The following SH3PXD2A variants were observed in gnomAD, a reference collection of about 807,000 sequenced individuals.
SH3PXD2A encodes the protein SH3 and PX domain-containing protein 2A.
SH3PXD2A carries 32 observed loss-of-function variants against 115.2 expected under a neutral mutation model. The ratio of observed to expected loss-of-function variants is 0.28; its 90% CI spans 0.21 to 0.37. SH3PXD2A has a LOEUF of 0.37. Ranked by LOEUF, SH3PXD2A falls within the 10% of genes least tolerant of loss-of-function variation. The pLI is 1.00. For synonymous variants in SH3PXD2A, 610 were observed against 629.1 expected (o/e 0.97, Z 0.45); for missense variants, 1,328 against 1,498.7 (o/e 0.89, Z 1.88).
At chr10:103,825,064 A>T (rs1355244805) in intron 1 of SH3PXD2A, among the ~76,000 whole-genome samples, 3 of 152,218 alleles carry the variant, frequency 2.0e-5, no homozygotes, top group African/African-American at 7.2e-5. Flanking sequence ...GGCCTCCCAA[A>T]GTGCTGAGCC....
intron 1 of SH3PXD2A, among the ~76,000 whole-genome samples, chr10:103,810,184 G>T (rs1405796942): frequency 1.3e-5 from 2 of 152,200 alleles, no homozygotes; most frequent in Non-Finnish European, 2.9e-5. Context: ...GTGGTTGGTG[G>T]CATGCTAGTG....
At chr10:103,814,200 C>A (rs1307735225) in intron 1 of SH3PXD2A, among the ~76,000 whole-genome samples, 1 of 152,090 alleles carries the variant, frequency 6.6e-6, no homozygotes, top group Non-Finnish European at 1.5e-5. Context: ...CAAGGAGACT[C>A]GAGTTCCTTC....
chr10:103,703,426 C>T (rs1044564938), intron 5 of SH3PXD2A, among the ~76,000 whole-genome samples: 4 of 152,226 alleles, frequency 2.6e-5, no homozygotes, highest in Admixed American at 2.0e-4. Flanking sequence ...GGCAAGGCTG[C>T]AGACTCGGTT....
chr10:103,705,838 A>T (rs186282672), intron 5 of SH3PXD2A, among the ~76,000 whole-genome samples: 25 of 152,204 alleles, frequency 1.6e-4, no homozygotes, highest in Admixed American at 1.6e-3. Flanking sequence ...GTCTACTAAA[A>T]ATACAAAAAT....
intron 11 of SH3PXD2A, among the ~76,000 whole-genome samples, chr10:103,616,128 T>A (rs2036515481): frequency 6.6e-6 from 1 of 152,114 alleles, no homozygotes; most frequent in African/African-American, 2.4e-5. Flanking sequence ...GCCAGTGACC[T>A]CAGCATGGAC....
intron 1 of SH3PXD2A, among the ~76,000 whole-genome samples, chr10:103,845,179 A>G (rs946428758): frequency 1.1e-4 from 16 of 151,718 alleles, no homozygotes; most frequent in Non-Finnish European, 1.5e-4. Context: ...AAAAAACAAA[A>G]AATTAGCCGG....
intron 6 of SH3PXD2A, among the ~76,000 whole-genome samples, chr10:103,690,616 G>T (rs750667987): frequency 3.3e-5 from 5 of 152,150 alleles, no homozygotes; most frequent in Non-Finnish European, 7.3e-5. Flanking sequence ...AGAGTAATCT[G>T]CTTTACTCAA....
intron 2 of SH3PXD2A, among the ~76,000 whole-genome samples, chr10:103,771,099 C>A (rs1482687480): frequency 6.6e-6 from 1 of 152,160 alleles, no homozygotes; most frequent in Non-Finnish European, 1.5e-5. Context: ...GCAACACGCG[C>A]CCAGGTATGG....
At chr10:103,759,021 C>A (rs1270069884) in intron 3 of SH3PXD2A, among the ~76,000 whole-genome samples, 7 of 152,174 alleles carry the variant, frequency 4.6e-5, no homozygotes, top group Non-Finnish European at 1.0e-4. Context: ...CAGCTGGTGC[C>A]TGGTGGAGAC....
chr10:103,729,381 CAGCTCTAACTGTTAAT>C (rs1285040213), intron 4 of SH3PXD2A, among the ~76,000 whole-genome samples: 2 of 152,228 alleles, frequency 1.3e-5, no homozygotes, highest in African/African-American at 4.8e-5. Context: ...AAGTTTCTTC[CAGCTCTAACTGTTAAT>C]AGCTCTAACT....
chr10:103,842,018 G>A (rs906622215), intron 1 of SH3PXD2A, among the ~76,000 whole-genome samples: 2 of 151,696 alleles, frequency 1.3e-5, no homozygotes, highest in African/African-American at 2.4e-5. Context: ...CCAGCTACTC[G>A]GGAGGCTGAG....
chr10:103,821,126 T>C (rs891565473), intron 1 of SH3PXD2A, among the ~76,000 whole-genome samples: 4 of 149,926 alleles, frequency 2.7e-5, no homozygotes, highest in East Asian at 3.9e-4. Context: ...AAACATTTAA[T>C]GTATGGTCGT....
intron 9 of SH3PXD2A, among the ~76,000 whole-genome samples, chr10:103,623,794 G>A (rs891481010): frequency 3.3e-5 from 5 of 152,210 alleles, no homozygotes; most frequent in Admixed American, 3.3e-4. Context: ...AATGGGCTCT[G>A]GGAAACATGA....
At chr10:103,730,145 CAT>C (rs2038297613) in intron 4 of SH3PXD2A, among the ~76,000 whole-genome samples, 1 of 152,038 alleles carries the variant, frequency 6.6e-6, no homozygotes, top group Non-Finnish European at 1.5e-5. Flanking sequence ...CAAAGCTGTG[CAT>C]TTGGCAAAAC....
chr10:103,801,036 G>A (rs1432228488), intron 2 of SH3PXD2A, among the ~76,000 whole-genome samples: 1 of 152,154 alleles, frequency 6.6e-6, no homozygotes, highest in Non-Finnish European at 1.5e-5. Flanking sequence ...GCAGGCAAGG[G>A]AGGGTGACAA....
chr10:103,855,147 C>A, intron 1 of SH3PXD2A, 48 bp downstream of exon 1: 2 of 1,426,628 alleles, frequency 1.4e-6, no homozygotes, highest in Non-Finnish European at 1.9e-6. Context: ...CGGGGCCCTC[C>A]CGGGACCTCG....
At chr10:103,778,380 G>C (rs557227033) in intron 2 of SH3PXD2A, among the ~76,000 whole-genome samples, 2 of 152,294 alleles carry the variant, frequency 1.3e-5, no homozygotes, top group East Asian at 1.9e-4. Context: ...CTTTAACACA[G>C]GCCAGGCACA....
At chr10:103,708,979 G>T (rs2038015170) in intron 5 of SH3PXD2A, among the ~76,000 whole-genome samples, 1 of 151,950 alleles carries the variant, frequency 6.6e-6, no homozygotes, top group Non-Finnish European at 1.5e-5. Context: ...GGGCCAGGAA[G>T]AGGTGCCCCT....
At chr10:103,718,496 G>A (rs565072746) in intron 5 of SH3PXD2A, among the ~76,000 whole-genome samples, 172 of 141,398 alleles carry the variant, frequency 1.2e-3, no homozygotes, top group Non-Finnish European at 2.0e-3. Flanking sequence ...TGGGGGCTGG[G>A]GGGCTGGAGG....
Sources: gnomAD v4.1 joint callset for allele counts (sites outside exome capture counted in the v4.1 genomes callset) on GRCh38, gnomAD v4.1.1 for gene constraint, MANE v1.5 for transcripts, NCBI Gene and HGNC (gene_info 2026-07-23, HGNC 2026-07-21) for gene names.